The following RUFY1 variants were observed in gnomAD, a reference collection of about 807,000 sequenced individuals.
The protein encoded by RUFY1 is RUN and FYVE domain-containing protein 1.
Under a neutral mutation model 94.6 loss-of-function variants are expected in RUFY1, and 54 were observed. That is an observed-to-expected ratio of 0.57 (90% CI 0.46 to 0.72). RUFY1 has a LOEUF of 0.72. RUFY1 is among the 30% of genes least tolerant of loss of function. The probability of loss-of-function intolerance (pLI) is 0.00; values close to 1 mark genes in which losing one functional copy is unlikely to be tolerated. For missense variants in RUFY1, 883 were observed against 883.9 expected (o/e 1.00, Z 0.01); for synonymous variants, 396 against 347.3 (o/e 1.14, Z -1.56).
At chr5:179,597,488 G>C (rs1415548132) in intron 13 of RUFY1, among the ~76,000 whole-genome samples, 1 of 151,928 alleles carries the variant, frequency 6.6e-6, no homozygotes, top group Admixed American at 6.6e-5. Context: ...CTCCCATCTC[G>C]GCCTCCCAAA....
chr5:179,590,135 C>T (rs1189055940), intron 9 of RUFY1, among the ~76,000 whole-genome samples: 2 of 152,152 alleles, frequency 1.3e-5, no homozygotes, highest in East Asian at 2.0e-4. Flanking sequence ...GGGCGGATCA[C>T]GAGGCCAGGA....
At chr5:179,556,525 G>C (rs1762123264) in intron 1 of RUFY1, among the ~76,000 whole-genome samples, 1 of 149,398 alleles carries the variant, frequency 6.7e-6, no homozygotes, top group African/African-American at 2.5e-5. Flanking sequence ...TTTTTGAGAA[G>C]GGTCTCACTC....
At chr5:179,574,111 T>G (rs1763432685) in intron 5 of RUFY1, among the ~76,000 whole-genome samples, 1 of 151,976 alleles carries the variant, frequency 6.6e-6, no homozygotes, top group African/African-American at 2.4e-5. Flanking sequence ...ATTAGCCTCA[T>G]AAACTGGAAG....
chr5:179,593,578 T>C lies in RUFY1; in HGVS notation c.1346T>C (p.Leu449Pro). 1 of 1,614,124 alleles carries C rather than the reference T, an allele frequency of 6.2e-7. No homozygotes were observed. The highest frequency in any genetic ancestry group is 8.5e-7 in the Non-Finnish European group (1 of 1,179,968). ...GACACCCACGAGAAGCAGGACACAC[T>C]AGTTGCCCTCCGCCAGCAGCTGGAA... Reference protein sequence around the residue: ...EKDTHEKQDTLVALRQQLEEV... With the variant: ...EKDTHEKQDTPVALRQQLEEV... The change falls in exon 11 of 18, where the codon CTA (leucine) becomes CCA (proline). Residue 449 changes from leucine (L) to proline (P), a missense_variant. By Grantham distance (98) the Leu-to-Pro change is moderately conservative (BLOSUM62 -3). Coordinates refer to ENST00000319449, the MANE Select transcript of RUFY1 (RefSeq NM_025158.5).
intron 3 of RUFY1, chr5:179,562,901 C>T (rs969571628): frequency 7.4e-6 from 3 of 403,338 alleles, no homozygotes; most frequent in African/African-American, 4.1e-5. Flanking sequence ...GTGTTGTCAA[C>T]CAAAGGGCAC....
intron 12 of RUFY1, 112 bp from the exon 13 acceptor site, chr5:179,596,450 C>A: frequency 2.9e-6 from 4 of 1,366,960 alleles, no homozygotes; most frequent in Non-Finnish European, 4.2e-6. Flanking sequence ...TTAAAACTCA[C>A]AAGAGTTAAT....
chr5:179,587,305 T>A (rs1461725633), intron 8 of RUFY1, among the ~76,000 whole-genome samples: 1 of 151,736 alleles, frequency 6.6e-6, no homozygotes, highest in Non-Finnish European at 1.5e-5. Flanking sequence ...CCACCCACCT[T>A]GGCCTCCCAA....
At chr5:179,596,274 G>T (rs1039100755) in intron 12 of RUFY1, 5 of 465,612 alleles carry the variant, frequency 1.1e-5, no homozygotes, top group Non-Finnish European at 7.8e-6. Context: ...GAAAAAGTCA[G>T]TCTCAAGGTT....
At chr5:179,559,526 C>T (rs1275590251) in intron 1 of RUFY1, among the ~76,000 whole-genome samples, 1 of 152,196 alleles carries the variant, frequency 6.6e-6, no homozygotes, top group Non-Finnish European at 1.5e-5. Context: ...GGTGCGCATC[C>T]TCCTCCGTCC....
chr5:179,595,324 A>G (rs574517521), intron 12 of RUFY1, among the ~76,000 whole-genome samples: 2 of 152,202 alleles, frequency 1.3e-5, no homozygotes, highest in African/African-American at 4.8e-5. Context: ...CTAAAAATAC[A>G]AAAAATTAGT....
At chr5:179,559,583 C>T (rs1169567758) in intron 1 of RUFY1, 3 of 847,646 alleles carry the variant, frequency 3.5e-6, no homozygotes, top group East Asian at 2.4e-4. Context: ...TAGGAGAGGC[C>T]TTGAGCTGGA....
intron 9 of RUFY1, among the ~76,000 whole-genome samples, chr5:179,591,392 G>A (rs1287719561): frequency 2.0e-5 from 3 of 151,034 alleles, no homozygotes; most frequent in South Asian, 2.1e-4. Flanking sequence ...CACCATGTTA[G>A]CCAGGATGGT....
Position 179,583,411 on chromosome 5 carries a change from A to AT in RUFY1, c.957-2385_957-2384insT, listed in dbSNP as rs1764323548. 2.1e-5 allele frequency among the ~76,000 whole-genome samples: 3 copies of AT among 144,018 alleles called. No homozygotes were observed. The South Asian group carries it at 6.6e-4, about 32-fold the overall frequency. 94.5% of individuals were successfully genotyped at this position (144,018 alleles called of 152,430 possible). A position where few individuals can be genotyped will look rare whatever the true frequency, so the allele number is the denominator to read the frequency against. Reference sequence around the variant, plus strand: ...TTGAGGATATATCTTTTCTCATATAAATATATATATATATATATATTTTAA... The same window carrying AT: ...TTGAGGATATATCTTTTCTCATATAATATATATATATATATATATATTTTAA... On this transcript the variant is annotated intron_variant, in intron 7 of 17. Transcript: ENST00000319449.
intron 17 of RUFY1, 46 bp from the exon 18 acceptor site, chr5:179,609,330 G>A (rs759172811): frequency 2.5e-6 from 4 of 1,596,484 alleles, no homozygotes; most frequent in Admixed American, 1.7e-5. Context: ...GTGTGCGGAT[G>A]GCTTTTCCCC....
At chr5:179,585,472 G>A (rs748590882) in intron 7 of RUFY1, among the ~76,000 whole-genome samples, 4 of 152,160 alleles carry the variant, frequency 2.6e-5, no homozygotes, top group Admixed American at 6.5e-5. Flanking sequence ...TAGGCTATTC[G>A]GGAGGCTGAG....
At chr5:179,569,548 C>A in intron 5 of RUFY1, 123 bp downstream of exon 5, 1 of 936,092 alleles carries the variant, frequency 1.1e-6, no homozygotes, top group Non-Finnish European at 1.7e-6. Context: ...GTAGAGGACC[C>A]CAGGGATGCA....
At chr5:179,556,388 G>C (rs932364633) in intron 1 of RUFY1, among the ~76,000 whole-genome samples, 2 of 151,974 alleles carry the variant, frequency 1.3e-5, no homozygotes, top group Non-Finnish European at 2.9e-5. Context: ...AGCTCTAAGT[G>C]TATAAAAATT....
chr5:179,580,239 GTGTA>G (rs1764016918), intron 6 of RUFY1, among the ~76,000 whole-genome samples: 1 of 51,264 alleles, frequency 2.0e-5, no homozygotes, highest in African/African-American at 5.6e-5. Context: ...GTGTGTGTGT[GTGTA>G]TATTTTTTTT....
At chr5:179,579,271 A>G (rs1468845405) in intron 6 of RUFY1, among the ~76,000 whole-genome samples, 1 of 152,200 alleles carries the variant, frequency 6.6e-6, no homozygotes, top group African/African-American at 2.4e-5. Context: ...TTTAAACAAA[A>G]TATATTCTTT....
Sources: allele counts gnomAD v4.1 joint callset (sites outside exome capture counted in the v4.1 genomes callset), GRCh38; gene constraint gnomAD v4.1.1; transcripts MANE v1.5; gene names NCBI Gene and HGNC (gene_info 2026-07-23, HGNC 2026-07-21).